CACNA2D3: variants seen among roughly 807,000 people sequenced by gnomAD.
The protein encoded by CACNA2D3 is voltage-dependent calcium channel subunit alpha-2/delta-3.
A neutral mutation model predicts 160.6 loss-of-function variants in CACNA2D3; 60 were observed. That is an observed-to-expected ratio of 0.37 (90% CI 0.30 to 0.46). CACNA2D3 has a LOEUF of 0.46. CACNA2D3 is among the 20% of genes least tolerant of loss of function. The probability of loss-of-function intolerance (pLI) is 1.00; values close to 1 mark genes in which losing one functional copy is unlikely to be tolerated. For synonymous variants in CACNA2D3, 558 were observed against 492.9 expected (o/e 1.13, Z -1.75); for missense variants, 1,205 against 1,365.0 (o/e 0.88, Z 1.85).
At chr3:54,278,559 C>A (rs1575362758) in intron 2 of CACNA2D3, among the ~76,000 whole-genome samples, 1 of 152,112 alleles carries the variant, frequency 6.6e-6, no homozygotes. Context: ...GCACTATTCA[C>A]AATAGCAAAG....
rs116626696 is a variant in CACNA2D3 at position 54,784,931 on chromosome 3, A to T, written c.1380+20580A>T. 8.8e-3 allele frequency among the ~76,000 whole-genome samples: 1,335 copies of T among 152,278 alleles called. 18 individuals carry two copies. Among genetic ancestry groups the T allele is most frequent in the African/African-American group, 0.03 (1,240 of 41,556 alleles). ...AAAGGCCTCCAAGAGTGGTTTTTGG[A>T]GGACATCATGGGAAGTTTTAGTTTT... On this transcript the variant is annotated intron_variant, in intron 13 of 37. Transcript: ENST00000474759.
At chr3:54,559,888 C>G (rs968329330) in intron 5 of CACNA2D3, among the ~76,000 whole-genome samples, 1 of 152,162 alleles carries the variant, frequency 6.6e-6, no homozygotes, top group Non-Finnish European at 1.5e-5. Context: ...GGATAATGGC[C>G]TGCAGTTCCA....
At chr3:54,629,694 G>A (rs1442293479) in intron 10 of CACNA2D3, among the ~76,000 whole-genome samples, 1 of 152,218 alleles carries the variant, frequency 6.6e-6, no homozygotes, top group Non-Finnish European at 1.5e-5. Context: ...TGCTGGGCAG[G>A]TGCCTTCTTA....
chr3:54,985,635 C>T (rs1360402327), intron 30 of CACNA2D3, among the ~76,000 whole-genome samples: 1 of 152,114 alleles, frequency 6.6e-6, no homozygotes, highest in Admixed American at 6.5e-5. Flanking sequence ...TTTGAGTATA[C>T]TAATACATTA....
intron 5 of CACNA2D3, among the ~76,000 whole-genome samples, chr3:54,512,160 G>T (rs1313018029): frequency 2.6e-5 from 4 of 152,100 alleles, no homozygotes; most frequent in Admixed American, 1.3e-4. Context: ...TGGCTCCCAG[G>T]CCTCCTCAGG....
At chr3:54,735,132 A>G (rs1164957724) in intron 11 of CACNA2D3, among the ~76,000 whole-genome samples, 1 of 152,242 alleles carries the variant, frequency 6.6e-6, no homozygotes, top group African/African-American at 2.4e-5. Flanking sequence ...TTGACAATGA[A>G]TTTACACATT....
At chr3:54,637,316 G>C (rs538290317) in intron 10 of CACNA2D3, among the ~76,000 whole-genome samples, 2 of 151,754 alleles carry the variant, frequency 1.3e-5, no homozygotes. Flanking sequence ...GGGAGTAGAC[G>C]TATCTTATAC....
At chr3:54,299,305 A>C (rs550836219) in intron 2 of CACNA2D3, among the ~76,000 whole-genome samples, 23 of 151,916 alleles carry the variant, frequency 1.5e-4, no homozygotes, top group African/African-American at 5.1e-4. Flanking sequence ...CTGGTCCAGG[A>C]CTGTGTACCG....
At chr3:54,626,115 T>G in intron 9 of CACNA2D3, 1 of 606,738 alleles carries the variant, frequency 1.6e-6, no homozygotes, top group East Asian at 2.8e-5. Flanking sequence ...GGGGATGCCT[T>G]TGGGGAGAAA....
chr3:54,736,541 C>T (rs763968412), intron 11 of CACNA2D3, among the ~76,000 whole-genome samples: 6 of 151,974 alleles, frequency 3.9e-5, no homozygotes, highest in Non-Finnish European at 7.4e-5. Flanking sequence ...TTCCACCAGC[C>T]GAAAGGATAT....
intron 4 of CACNA2D3, among the ~76,000 whole-genome samples, chr3:54,436,067 T>C (rs1407965946): frequency 6.6e-6 from 1 of 152,024 alleles, no homozygotes; most frequent in Non-Finnish European, 1.5e-5. Context: ...CAGAGAGACC[T>C]AAAGGATCTT....
intron 2 of CACNA2D3, among the ~76,000 whole-genome samples, chr3:54,161,736 G>C (rs1181824694): frequency 6.6e-6 from 1 of 152,148 alleles, no homozygotes; most frequent in Non-Finnish European, 1.5e-5. Flanking sequence ...TCATTCTTAG[G>C]TTGCCATCCT....
intron 4 of CACNA2D3, among the ~76,000 whole-genome samples, chr3:54,422,663 AATGATGATG>A (rs539482855): frequency 9.9e-5 from 15 of 151,920 alleles, no homozygotes; most frequent in African/African-American, 3.6e-4. Flanking sequence ...GCAAAATAAT[AATGATGATG>A]ATGATGATGA....
chr3:54,566,120 G>A (rs1169739310), intron 6 of CACNA2D3, among the ~76,000 whole-genome samples: 1 of 152,170 alleles, frequency 6.6e-6, no homozygotes. Context: ...TGGGGGAGCT[G>A]GTCCCCAGCT....
intron 9 of CACNA2D3, among the ~76,000 whole-genome samples, chr3:54,616,149 A>G (rs932266269): frequency 6.6e-6 from 1 of 152,190 alleles, no homozygotes; most frequent in Non-Finnish European, 1.5e-5. Context: ...TATCTCATGT[A>G]GTTCCTGGAC....
At chr3:54,911,319 C>T (rs375037096) in intron 27 of CACNA2D3, among the ~76,000 whole-genome samples, 4 of 147,194 alleles carry the variant, frequency 2.7e-5, no homozygotes, top group Admixed American at 6.8e-5. Flanking sequence ...TCCCCCTCCC[C>T]GCTTCTCCTC....
intron 9 of CACNA2D3, among the ~76,000 whole-genome samples, chr3:54,584,278 A>G (rs181333274): frequency 1.4e-4 from 22 of 152,390 alleles, no homozygotes; most frequent in Non-Finnish European, 2.5e-4. Flanking sequence ...TGTTTTAACA[A>G]GCAATTAGGA....
At chr3:54,734,715 G>T (rs1490782745) in intron 11 of CACNA2D3, among the ~76,000 whole-genome samples, 1 of 152,164 alleles carries the variant, frequency 6.6e-6, no homozygotes, top group East Asian at 1.9e-4. Flanking sequence ...TTACAAAATG[G>T]TTTCTGAGGG....
At chr3:54,456,633 T>A (rs932856753) in intron 4 of CACNA2D3, among the ~76,000 whole-genome samples, 1 of 152,040 alleles carries the variant, frequency 6.6e-6, no homozygotes, top group Non-Finnish European at 1.5e-5. Flanking sequence ...TAGAGTGAGT[T>A]TGGAAGTGCT....
Sources: gnomAD v4.1 joint callset for allele counts (sites outside exome capture counted in the v4.1 genomes callset) on GRCh38, gnomAD v4.1.1 for gene constraint, MANE v1.5 for transcripts, NCBI Gene and HGNC (gene_info 2026-07-23, HGNC 2026-07-21) for gene names.